Variants in GALNT6 observed in about 807,000 individuals in gnomAD.
GALNT6 encodes the protein GalNAc transferase 6.
A neutral mutation model predicts 65.9 loss-of-function variants in GALNT6; 51 were observed. The observed-to-expected ratio is 0.77, with a 90% CI of 0.62 to 0.98. The LOEUF is 0.98. GALNT6 is among the 50% of genes least tolerant of loss of function. The probability of loss-of-function intolerance (pLI) is 0.00; values close to 1 mark genes in which losing one functional copy is unlikely to be tolerated. For synonymous variants in GALNT6, 323 were observed against 315.1 expected, an observed-to-expected ratio of 1.02 and a Z score of -0.26; for missense variants, 708 against 803.3, an observed-to-expected ratio of 0.88 and a Z score of 1.43.
rs1946777741 is a variant in GALNT6, at chr12:51,357,337, T to G, written c.1602+12A>C. The stretch of plus-strand genomic sequence containing the variant: ...GGAGAGGAGATGCTCCGGAGATGGG[T>G]GGGCTGCATACCTGGTTGCCGCCAA... On this transcript the variant is annotated intron_variant, in intron 10 of 11. Transcript: ENST00000356317. The G allele has an allele frequency of 5.8e-6, 9 of 1,553,700 alleles. No homozygotes were observed. The highest frequency in any genetic ancestry group is 8.0e-6 in the Non-Finnish European group (9 of 1,125,196).
intron 10 of GALNT6, among the ~76,000 whole-genome samples, chr12:51,356,357 T>C (rs1409293120): frequency 7.3e-5 from 10 of 137,930 alleles, no homozygotes; most frequent in Admixed American, 5.1e-4. Context: ...TTTTCTCTTT[T>C]TTTTTTTTTT....
intron 2 of GALNT6, among the ~76,000 whole-genome samples, chr12:51,380,768 G>A (rs886539865): frequency 6.6e-6 from 1 of 152,078 alleles, no homozygotes; most frequent in African/African-American, 2.4e-5. Context: ...TCCAGCCTGG[G>A]CAACAGAGCA....
rs777730506 is a variant in GALNT6 at position 51,364,146 on chromosome 12, G to A, written c.1024C>T (p.Arg342Cys). Reference sequence around the variant, plus strand: ...TTGATGGGGTAGGTTTCATCCTTGCGCCTCTGCTTCTCATGTGGAGGAAGT... The same window carrying A: ...TTGATGGGGTAGGTTTCATCCTTGCACCTCTGCTTCTCATGTGGAGGAAGT... ...ETLPPHEKQRRKDETYPIKSP... is the reference protein window; with the variant it reads ...ETLPPHEKQRCKDETYPIKSP... Residue 342 changes from arginine (R) to cysteine (C), a missense_variant, in exon 6 of 12, where the codon CGC becomes TGC. Coordinates refer to ENST00000356317, the MANE Select transcript of GALNT6 (RefSeq NM_007210.4). The A allele has an allele frequency of 8.1e-6, 13 of 1,613,966 alleles. No individual in the cohort carries two copies. The highest frequency in any genetic ancestry group is 1.1e-5 in the South Asian group (1 of 91,082).
At position 51,378,619 on chromosome 12, in the gene GALNT6, A is replaced by G. The variant is rs114345388; in HGVS notation, c.491+672T>C. Among the ~76,000 whole-genome samples the G allele has an allele frequency of 2.3e-3, 348 of 152,338 alleles. 1 individual carries two copies. The highest frequency in any genetic ancestry group is 7.9e-3 in the African/African-American group (329 of 41,576). ...CATTTGAGAAAAGGCCAAATAGGGT[A>G]TAACACTTGACCTGGAAAAGACAAA... On this transcript the variant is annotated intron_variant, in intron 3 of 11. Coordinates refer to ENST00000356317, the MANE Select transcript of GALNT6 (RefSeq NM_007210.4).
At chr12:51,355,767 T>C in intron 11 of GALNT6, 39 bp downstream of exon 11, 1 of 1,600,638 alleles carries the variant, frequency 6.2e-7, no homozygotes, top group East Asian at 2.3e-5. Flanking sequence ...ACACCTGGCC[T>C]CAAGTTCTTG....
At position 51,356,592 on chromosome 12, in the gene GALNT6, A is replaced by C. The variant is rs539370069; in HGVS notation, c.1603-634T>G. Among the ~76,000 whole-genome samples, 24 of 150,594 alleles carry C rather than the reference A, an allele frequency of 1.6e-4. No homozygotes were observed. In the Middle Eastern group the frequency reaches 0.01, roughly 65 times the overall value. Reference sequence around the variant, plus strand: ...TTGCCCAGACAGGTCTCAAACTCCTAGGCTCATGTGATCCACCTGCCTCAC... The same window carrying C: ...TTGCCCAGACAGGTCTCAAACTCCTCGGCTCATGTGATCCACCTGCCTCAC... On this transcript the variant is annotated intron_variant, in intron 10 of 11. Coordinates refer to ENST00000356317, the MANE Select transcript of GALNT6 (RefSeq NM_007210.4).
At chr12:51,375,647 T>C (rs866081290) in intron 4 of GALNT6, among the ~76,000 whole-genome samples, 1 of 150,928 alleles carries the variant, frequency 6.6e-6, no homozygotes, top group South Asian at 2.1e-4. Flanking sequence ...AACCTCCGCC[T>C]CCTGGGTTCA....
At chr12:51,378,163 T>C (rs931713013) in intron 3 of GALNT6, among the ~76,000 whole-genome samples, 6 of 152,118 alleles carry the variant, frequency 3.9e-5, no homozygotes, top group African/African-American at 1.2e-4. Context: ...TCTCTCTGTC[T>C]GTTTTTTTTG....
chr12:51,355,319 T>C (rs1208696250), intron 11 of GALNT6, among the ~76,000 whole-genome samples: 1 of 152,022 alleles, frequency 6.6e-6, no homozygotes, highest in Non-Finnish European at 1.5e-5. Flanking sequence ...TTTACATCAG[T>C]CATCACCAAA....
intron 4 of GALNT6, among the ~76,000 whole-genome samples, chr12:51,369,862 TCTGCCTTCTATACCA>T (rs1947232061): frequency 1.3e-5 from 2 of 152,186 alleles, no homozygotes; most frequent in Non-Finnish European, 2.9e-5. Flanking sequence ...TCACTGCTTT[TCTGCCTTCTATACCA>T]CTCTCCTCAA....
chr12:51,363,330 G>A (rs1031155689), intron 6 of GALNT6, among the ~76,000 whole-genome samples: 5 of 152,186 alleles, frequency 3.3e-5, no homozygotes, highest in Admixed American at 1.3e-4. Context: ...GGAAAGGTGA[G>A]CCCAGTGGGC....
rs1255540315 is a variant in GALNT6 at position 51,355,904 on chromosome 12, A to G, written c.1657T>C (p.Cys553Arg). ...AGAGCACCCTTGCTGACATGTAGAC[A>G]CAGCTGCTTTGCGATGTTGTGGCGA... ...DLRHNIAKQL[C>R]LHVSKGALGL... Residue 553 changes from cysteine (C) to arginine (R), a missense_variant, in exon 11 of 12, where the codon TGT becomes CGT. Transcript: ENST00000356317. 1 of 1,613,782 alleles carries G rather than the reference A, an allele frequency of 6.2e-7. No individual in the cohort carries two copies.
chr12:51,355,972 CAA>C lies in GALNT6; in HGVS notation c.1603-16_1603-15del, dbSNP rs1178465002. ...GTACTCAAAGTACTGGAAATCAAGACAAGAGAAGCAGGTGGAGAGTTCACCCC... is the reference window on the plus strand; with the variant it reads ...GTACTCAAAGTACTGGAAATCAAGACGAGAAGCAGGTGGAGAGTTCACCCC... On this transcript the variant is annotated splice_polypyrimidine_tract_variant and intron_variant, in intron 10 of 11. Transcript: ENST00000356317. The C allele has an allele frequency of 1.2e-6, 2 of 1,611,212 alleles. No individual in the cohort carries two copies. The highest frequency in any genetic ancestry group is 1.7e-6 in the Non-Finnish European group (2 of 1,178,102).
chr12:51,352,769 T>G lies in GALNT6; in HGVS notation c.*1610A>C, dbSNP rs557343744. 1 of 152,332 alleles carries G rather than the reference T, an allele frequency of 6.6e-6. No individual in the cohort carries two copies. Among genetic ancestry groups the G allele is most frequent in the South Asian group, 2.1e-4 (1 of 4,826 alleles). 9.4% of individuals were successfully genotyped at this position (152,332 alleles called of 1,614,324 possible). A position where few individuals can be genotyped will look rare whatever the true frequency, so the allele number is the denominator to read the frequency against. Reference sequence around the variant, plus strand: ...TCACTGCAACTTCCGCCTCCCAGATTTAAGCAATTCTCCTGCCTCAGCCTC... The same window carrying G: ...TCACTGCAACTTCCGCCTCCCAGATGTAAGCAATTCTCCTGCCTCAGCCTC... On this transcript the variant is annotated 3_prime_UTR_variant, in exon 12 of 12. Coordinates refer to ENST00000356317, the MANE Select transcript of GALNT6 (RefSeq NM_007210.4).
intron 4 of GALNT6, among the ~76,000 whole-genome samples, chr12:51,374,469 C>T (rs1424476599): frequency 1.3e-5 from 2 of 152,200 alleles, no homozygotes; most frequent in Non-Finnish European, 2.9e-5. Flanking sequence ...ACAGGGCTCA[C>T]ACTCAGCCCT....
chr12:51,360,430 A>G lies in GALNT6; in HGVS notation c.1167+291T>C, dbSNP rs80062794. ...TTCACCCTAACCCTTTCCCACAGACATCGCAAAAGAGTCCCCAGTCACCAG... is the reference window on the plus strand; with the variant it reads ...TTCACCCTAACCCTTTCCCACAGACGTCGCAAAAGAGTCCCCAGTCACCAG... On this transcript the variant is annotated intron_variant, in intron 7 of 11. Transcript: ENST00000356317. Among the ~76,000 whole-genome samples, 620 of 152,160 alleles carry G rather than the reference A, an allele frequency of 4.1e-3. 4 individuals are homozygous for G. The highest frequency in any genetic ancestry group is 0.014 in the African/African-American group (582 of 41,496).
At chr12:51,386,127 T>C (rs1947832545) in intron 2 of GALNT6, among the ~76,000 whole-genome samples, 1 of 152,248 alleles carries the variant, frequency 6.6e-6, no homozygotes, top group South Asian at 2.1e-4. Flanking sequence ...TATTCTGCCA[T>C]TACACATTAG....
At chr12:51,371,140 A>T (rs1274565597) in intron 4 of GALNT6, among the ~76,000 whole-genome samples, 1 of 151,118 alleles carries the variant, frequency 6.6e-6, no homozygotes, top group Non-Finnish European at 1.5e-5. Context: ...CTGGAGTGCA[A>T]TGGTGTGATC....
intron 8 of GALNT6, 63 bp from the exon 9 acceptor site, chr12:51,358,324 G>C: frequency 6.6e-7 from 1 of 1,520,228 alleles, no homozygotes. Context: ...TTTTTAAGAG[G>C]GAGTCTCACT....
Sources: allele counts gnomAD v4.1 joint callset (sites outside exome capture counted in the v4.1 genomes callset), GRCh38; gene constraint gnomAD v4.1.1; transcripts MANE v1.5; gene names NCBI Gene and HGNC (gene_info 2026-07-23, HGNC 2026-07-21).